The following PRTG variants were observed in gnomAD, a reference collection of about 807,000 sequenced individuals.
The protein encoded by PRTG is protogenin.
PRTG carries 67 observed loss-of-function variants against 122.5 expected under a neutral mutation model. The observed-to-expected ratio is 0.55, with a 90% CI of 0.45 to 0.67. PRTG has a LOEUF of 0.67. Among genes scored for constraint, PRTG ranks in the 30% least tolerant of loss-of-function variants. PRTG has a pLI of 0.00. For synonymous variants in PRTG, 554 were observed against 501.1 expected, an observed-to-expected ratio of 1.11 and a Z score of -1.41; for missense variants, 1,435 against 1,415.4, an observed-to-expected ratio of 1.01 and a Z score of -0.22.
chr15:55,621,669 A>G (rs112310447), intron 18 of PRTG, among the ~76,000 whole-genome samples: 9 of 152,246 alleles, frequency 5.9e-5, no homozygotes, highest in African/African-American at 2.2e-4. Context: ...AAAACAAAAC[A>G]AACAAACACA....
chr15:55,723,902 C>A (rs999181417), intron 2 of PRTG, among the ~76,000 whole-genome samples: 4 of 151,984 alleles, frequency 2.6e-5, no homozygotes, highest in South Asian at 2.1e-4. Flanking sequence ...CAGGTGCCTG[C>A]CACCACACCT....
At chr15:55,742,373 C>T (rs1455665979) in intron 1 of PRTG, 1 of 154,890 alleles carries the variant, frequency 6.5e-6, no homozygotes, top group African/African-American at 2.4e-5. Context: ...CACGGGAAGC[C>T]GCGAGGAACC....
intron 18 of PRTG, among the ~76,000 whole-genome samples, chr15:55,621,501 CA>C (rs1037450248): frequency 7.9e-5 from 12 of 151,660 alleles, no homozygotes; most frequent in African/African-American, 2.9e-4. Flanking sequence ...ACTAAAAATA[CA>C]AAAAAAATTA....
intron 11 of PRTG, among the ~76,000 whole-genome samples, chr15:55,658,263 TTACAG>T (rs1236764433): frequency 2.0e-5 from 3 of 152,296 alleles, no homozygotes; most frequent in Non-Finnish European, 4.4e-5. Context: ...ACCCTGTATA[TTACAG>T]TAAACACTCT....
intron 2 of PRTG, among the ~76,000 whole-genome samples, chr15:55,726,337 A>G (rs2031029792): frequency 6.6e-6 from 1 of 152,144 alleles, no homozygotes; most frequent in Non-Finnish European, 1.5e-5. Context: ...TCGGCCTCCC[A>G]AAGTGCTGGG....
intron 2 of PRTG, among the ~76,000 whole-genome samples, chr15:55,708,863 G>A (rs1371629956): frequency 6.6e-6 from 1 of 151,212 alleles, no homozygotes; most frequent in African/African-American, 2.4e-5. Flanking sequence ...AGGTTTTTGA[G>A]GCCGGGTGCA....
intron 13 of PRTG, among the ~76,000 whole-genome samples, chr15:55,639,286 A>G (rs2059276128): frequency 6.6e-6 from 1 of 152,166 alleles, no homozygotes; most frequent in Non-Finnish European, 1.5e-5. Flanking sequence ...ACTCTAACCT[A>G]GAAACAGAAA....
intron 1 of PRTG, chr15:55,742,610 A>G (rs529298043): frequency 9.8e-6 from 5 of 511,022 alleles, no homozygotes; most frequent in Non-Finnish European, 1.4e-5. Flanking sequence ...GTGCGCCCGG[A>G]GAAGCTCCCG....
intron 17 of PRTG, 109 bp from the exon 18 acceptor site, chr15:55,624,616 C>T: frequency 1.4e-6 from 1 of 728,406 alleles, no homozygotes; most frequent in Non-Finnish European, 2.1e-6. Context: ...TCTTTAATAC[C>T]CATTTCTCAA....
At chr15:55,733,507 T>A (rs2141887447) in intron 2 of PRTG, among the ~76,000 whole-genome samples, 3 of 122,904 alleles carry the variant, frequency 2.4e-5, no homozygotes, top group South Asian at 2.7e-4. Flanking sequence ...CAAAACTCTG[T>A]CTCAAACAAA....
intron 2 of PRTG, among the ~76,000 whole-genome samples, chr15:55,712,934 T>C (rs766791596): frequency 2.0e-5 from 3 of 152,202 alleles, no homozygotes; most frequent in Admixed American, 6.5e-5. Flanking sequence ...CATTTAAAAA[T>C]TGTTTAACCA....
At chr15:55,642,168 G>A (rs1210624934) in intron 11 of PRTG, among the ~76,000 whole-genome samples, 1 of 113,604 alleles carries the variant, frequency 8.8e-6, no homozygotes, top group African/African-American at 4.4e-5. Context: ...GCGACAGAGC[G>A]AGACTCCGTC....
chr15:55,723,193 G>C (rs530581203), intron 2 of PRTG, among the ~76,000 whole-genome samples: 2 of 152,072 alleles, frequency 1.3e-5, no homozygotes, highest in Non-Finnish European at 2.9e-5. Flanking sequence ...CCACAGACGA[G>C]GTTATAATAA....
intron 7 of PRTG, among the ~76,000 whole-genome samples, chr15:55,678,435 A>G: frequency 6.6e-6 from 1 of 152,098 alleles, no homozygotes; most frequent in Non-Finnish European, 1.5e-5. Flanking sequence ...TTGTAGAGAC[A>G]AGGTCTCACT....
intron 2 of PRTG, among the ~76,000 whole-genome samples, chr15:55,734,064 G>A (rs543292352): frequency 2.0e-5 from 3 of 152,326 alleles, no homozygotes; most frequent in Non-Finnish European, 4.4e-5. Flanking sequence ...ACAACTGGAA[G>A]AGAGTCTATC....
In PRTG at chr15:55,687,452, T is replaced by C. The variant is rs553456971; in HGVS notation, c.398-3521A>G. Reference sequence around the variant, plus strand: ...CCTGCCAGCCACATAGGCAACTGAGTGTTGTTTTTTCACTCTGAATCTAAC... The same window carrying C: ...CCTGCCAGCCACATAGGCAACTGAGCGTTGTTTTTTCACTCTGAATCTAAC... On this transcript the variant is annotated intron_variant, in intron 2 of 19. Coordinates refer to ENST00000389286, the MANE Select transcript of PRTG (RefSeq NM_173814.6). 3.9e-5 allele frequency among the ~76,000 whole-genome samples: 6 copies of C among 152,270 alleles called. No homozygotes were observed. In the South Asian group the frequency reaches 1.2e-3, roughly 32 times the overall value.
At chr15:55,725,944 G>A (rs888298664) in intron 2 of PRTG, among the ~76,000 whole-genome samples, 2 of 151,534 alleles carry the variant, frequency 1.3e-5, no homozygotes, top group African/African-American at 4.9e-5. Context: ...GCTAATTTTA[G>A]GTTTTTTGTT....
intron 4 of PRTG, among the ~76,000 whole-genome samples, chr15:55,680,925 T>TA (rs2059534442): frequency 6.6e-6 from 1 of 152,148 alleles, no homozygotes. Context: ...CACAGCCTAG[T>TA]AACCACTAAT....
intron 2 of PRTG, among the ~76,000 whole-genome samples, chr15:55,730,708 G>C (rs1742523412): frequency 6.6e-6 from 1 of 152,118 alleles, no homozygotes; most frequent in African/African-American, 2.4e-5. Context: ...GCTGAGGCAG[G>C]AGAATGGCAT....
Sources: allele counts gnomAD v4.1 joint callset (sites outside exome capture counted in the v4.1 genomes callset), GRCh38; gene constraint gnomAD v4.1.1; transcripts MANE v1.5; gene names NCBI Gene and HGNC (gene_info 2026-07-23, HGNC 2026-07-21).